The following SPMIP2 variants were observed in gnomAD, a reference collection of about 807,000 sequenced individuals.
SPMIP2 encodes the protein sperm microtubule inner protein 2, also known as protein SPMIP2.
At chr4:158,902,310 C>T in the SPMIP2 span, among the ~76,000 whole-genome samples, 1 of 152,166 alleles carries the variant, frequency 6.6e-6, no homozygotes, top group Non-Finnish European at 1.5e-5. Flanking sequence ...GTATCACCAG[C>T]GGAGGCTGTA....
At chr4:159,045,636 C>T in the SPMIP2 span, among the ~76,000 whole-genome samples, 1 of 152,218 alleles carries the variant, frequency 6.6e-6, no homozygotes, top group African/African-American at 2.4e-5. Context: ...AGCTGGAAGG[C>T]TGAAACTGAA....
chr4:158,973,022 A>G, the SPMIP2 span: 1 of 1,129,072 alleles, frequency 8.9e-7, no homozygotes, highest in Admixed American at 2.5e-5. Context: ...GCAAATTCAT[A>G]AAGAATTCAA....
chr4:158,955,393 C>T, the SPMIP2 span, among the ~76,000 whole-genome samples: 1 of 152,080 alleles, frequency 6.6e-6, no homozygotes, highest in Non-Finnish European at 1.5e-5. Flanking sequence ...TTGTATAACA[C>T]ACCATTAATT....
the SPMIP2 span, among the ~76,000 whole-genome samples, chr4:158,980,742 T>C: frequency 5.3e-5 from 8 of 152,098 alleles, no homozygotes; most frequent in African/African-American, 9.7e-5. Context: ...TAAATCCACA[T>C]AGATGAGGAG....
At chr4:158,928,916 C>T in the SPMIP2 span, among the ~76,000 whole-genome samples, 21 of 152,034 alleles carry the variant, frequency 1.4e-4, no homozygotes, top group Admixed American at 3.9e-4. Context: ...GACCACGATC[C>T]CACCGGAAGG....
the SPMIP2 span, among the ~76,000 whole-genome samples, chr4:159,003,418 G>A: frequency 6.6e-6 from 1 of 152,144 alleles, no homozygotes; most frequent in Non-Finnish European, 1.5e-5. Context: ...TGTAGCATAT[G>A]TGAGGCATGT....
At chr4:158,899,796 A>T in the SPMIP2 span, among the ~76,000 whole-genome samples, 1 of 152,146 alleles carries the variant, frequency 6.6e-6, no homozygotes, top group Non-Finnish European at 1.5e-5. Flanking sequence ...TCAAAAAACC[A>T]GCTCCTGGAT....
the SPMIP2 span, chr4:158,973,078 C>T: frequency 6.5e-7 from 1 of 1,537,392 alleles, no homozygotes; most frequent in East Asian, 2.3e-5. Context: ...AAGAGCAATA[C>T]CTTGATATGA....
At chr4:158,961,123 C>T in the SPMIP2 span, among the ~76,000 whole-genome samples, 1 of 152,086 alleles carries the variant, frequency 6.6e-6, no homozygotes, top group Non-Finnish European at 1.5e-5. Flanking sequence ...TATTTCACTT[C>T]ATTTGTGGAT....
the SPMIP2 span, among the ~76,000 whole-genome samples, chr4:159,039,937 A>T: frequency 1.3e-5 from 2 of 152,238 alleles, no homozygotes; most frequent in African/African-American, 2.4e-5. Context: ...TATAAAAGTG[A>T]TACAAATTAG....
At chr4:159,042,208 T>C in the SPMIP2 span, among the ~76,000 whole-genome samples, 1 of 152,176 alleles carries the variant, frequency 6.6e-6, no homozygotes, top group Non-Finnish European at 1.5e-5. Context: ...CTATAAAAAA[T>C]CAACCTCCTT....
chr4:158,951,105 G>A, the SPMIP2 span, among the ~76,000 whole-genome samples: 9 of 152,128 alleles, frequency 5.9e-5, no homozygotes, highest in Non-Finnish European at 1.2e-4. Context: ...TATTTTCCCT[G>A]TTATAAGCTT....
chr4:158,961,697 C>T, the SPMIP2 span, among the ~76,000 whole-genome samples: 2 of 152,042 alleles, frequency 1.3e-5, no homozygotes, highest in African/African-American at 4.8e-5. Context: ...TTGGGGAAGA[C>T]CTTTCTCAGA....
chr4:158,985,811 G>T, the SPMIP2 span, among the ~76,000 whole-genome samples: 1 of 152,056 alleles, frequency 6.6e-6, no homozygotes, highest in South Asian at 2.1e-4. Flanking sequence ...AAGAAATAAA[G>T]GGTATTCAAT....
chr4:159,078,922 A>G, the SPMIP2 span, among the ~76,000 whole-genome samples: 5 of 152,148 alleles, frequency 3.3e-5, no homozygotes, highest in Admixed American at 3.3e-4. Context: ...GTTTGAGACC[A>G]GCTTGGCCAA....
the SPMIP2 span, among the ~76,000 whole-genome samples, chr4:158,913,859 AAAGAC>A: frequency 1.3e-5 from 2 of 151,986 alleles, no homozygotes; most frequent in Non-Finnish European, 2.9e-5. Flanking sequence ...AAAAAAAAAA[AAAGAC>A]AAGAGAAGTT....
At chr4:159,007,443 C>A in the SPMIP2 span, 1 of 679,184 alleles carries the variant, frequency 1.5e-6, no homozygotes, top group Non-Finnish European at 2.8e-6. Context: ...CTGGTTAAGC[C>A]AGGAGTCTGT....
the SPMIP2 span, among the ~76,000 whole-genome samples, chr4:159,069,544 C>A: frequency 1.3e-5 from 2 of 151,412 alleles, no homozygotes; most frequent in African/African-American, 4.9e-5. Flanking sequence ...AAGAAATCCT[C>A]CTACCTCAGC....
chr4:159,081,853 T>C, the SPMIP2 span, among the ~76,000 whole-genome samples: 1 of 152,242 alleles, frequency 6.6e-6, no homozygotes, highest in Non-Finnish European at 1.5e-5. Context: ...CAGTTAACTC[T>C]TATTTACTTA....
Sources: allele counts gnomAD v4.1 joint callset (sites outside exome capture counted in the v4.1 genomes callset), GRCh38; gene constraint gnomAD v4.1.1; transcripts MANE v1.5; gene names NCBI Gene and HGNC (gene_info 2026-07-23, HGNC 2026-07-21).